Variants in PAPPA2 observed in about 807,000 individuals in gnomAD.
The protein encoded by PAPPA2 is pappalysin-2.
In PAPPA2, 86 loss-of-function variants were observed where a neutral mutation model predicts 176.4. The observed-to-expected ratio is 0.49, with a 90% confidence interval of 0.41 to 0.58. The LOEUF (loss-of-function observed/expected upper bound fraction) is 0.58, where lower values mean the gene tolerates loss of function less well. Ranked by LOEUF, PAPPA2 falls within the 20% of genes least tolerant of loss-of-function variation. PAPPA2 has a pLI of 0.00. For synonymous variants in PAPPA2, 809 were observed against 852.2 expected (o/e 0.95, Z 0.88); for missense variants, 2,073 against 2,256.9 (o/e 0.92, Z 1.65).
intron 2 of PAPPA2, among the ~76,000 whole-genome samples, chr1:176,574,325 A>G (rs1233860778): frequency 1.3e-5 from 2 of 152,186 alleles, no homozygotes; most frequent in Non-Finnish European, 2.9e-5. Flanking sequence ...ATAAATTAAT[A>G]CTATTATTAT....
At chr1:176,639,998 T>C (rs551517253) in intron 3 of PAPPA2, among the ~76,000 whole-genome samples, 1 of 151,658 alleles carries the variant, frequency 6.6e-6, no homozygotes, top group Non-Finnish European at 1.5e-5. Flanking sequence ...CTTAGAGATA[T>C]TATAAAAATG....
At chr1:176,723,209 C>T (rs1365868344) in intron 12 of PAPPA2, among the ~76,000 whole-genome samples, 1 of 152,174 alleles carries the variant, frequency 6.6e-6, no homozygotes, top group Non-Finnish European at 1.5e-5. Context: ...CAGCAGAGTC[C>T]TCATGACCCA....
chr1:176,701,840 G>T (rs1660663378), intron 8 of PAPPA2, among the ~76,000 whole-genome samples: 1 of 152,138 alleles, frequency 6.6e-6, no homozygotes, highest in Non-Finnish European at 1.5e-5. Flanking sequence ...GGCAGATTTT[G>T]TCTTTGGGAC....
At chr1:176,715,559 C>T (rs775673132) in intron 12 of PAPPA2, among the ~76,000 whole-genome samples, 17 of 152,180 alleles carry the variant, frequency 1.1e-4, no homozygotes, top group Non-Finnish European at 7.3e-5. Flanking sequence ...TAACCATTCC[C>T]GACTTCCTGG....
rs1242016345 is a variant in PAPPA2 at position 176,594,509 on chromosome 1, T to G, written c.920-15T>G. 6.2e-7 allele frequency: 1 copy of G among 1,601,922 alleles called. No individual in the cohort carries two copies. On this transcript the variant is annotated splice_polypyrimidine_tract_variant and intron_variant, in intron 2 of 22. Coordinates refer to ENST00000367662, the MANE Select transcript of PAPPA2 (RefSeq NM_020318.3). ...TGGTATCTGTCTCTTCCCTCGATTC[T>G]TCCTTCTTTCCCAGGTGTGTTTGAT...
intron 1 of PAPPA2, among the ~76,000 whole-genome samples, chr1:176,469,914 C>T (rs1197398939): frequency 6.6e-6 from 1 of 152,168 alleles, no homozygotes; most frequent in Non-Finnish European, 1.5e-5. Context: ...GAAATGTGTA[C>T]TGCTGGCCAT....
At position 176,720,079 on chromosome 1, in the gene PAPPA2, C is replaced by T. The variant is rs141645857; in HGVS notation, c.3798+8098C>T. ...ATATTGTGCAAACTGAAATATGAAT[C>T]GTGTTCTTGGGAGACTGGTTTTAGT... On this transcript the variant is annotated intron_variant, in intron 12 of 22. Coordinates refer to ENST00000367662, the MANE Select transcript of PAPPA2 (RefSeq NM_020318.3). 9.4e-3 allele frequency among the ~76,000 whole-genome samples: 1,429 copies of T among 152,236 alleles called. 10 individuals carry two copies. Among genetic ancestry groups the T allele is most frequent in the Middle Eastern group, 0.027 (8 of 294 alleles).
chr1:176,601,404 A>G (rs1017513593), intron 3 of PAPPA2, among the ~76,000 whole-genome samples: 1 of 152,180 alleles, frequency 6.6e-6, no homozygotes, highest in Non-Finnish European at 1.5e-5. Context: ...AATCTAGCCC[A>G]AAGTAGTTCC....
intron 12 of PAPPA2, among the ~76,000 whole-genome samples, chr1:176,733,930 A>G (rs1662277682): frequency 6.6e-6 from 1 of 151,818 alleles, no homozygotes; most frequent in Non-Finnish European, 1.5e-5. Context: ...CACTCTGTAT[A>G]CCACTCACCC....
At chr1:176,465,056 C>T (rs1651552165) in intron 1 of PAPPA2, among the ~76,000 whole-genome samples, 1 of 152,058 alleles carries the variant, frequency 6.6e-6, no homozygotes, top group Non-Finnish European at 1.5e-5. Context: ...TTGCTATTTC[C>T]CAAGACATAA....
intron 4 of PAPPA2, among the ~76,000 whole-genome samples, chr1:176,671,479 TG>T (rs917717674): frequency 3.3e-5 from 5 of 152,170 alleles, no homozygotes; most frequent in African/African-American, 1.2e-4. Flanking sequence ...ACATGATCAC[TG>T]TTCTAGAAGA....
At chr1:176,794,140 G>A (rs1222325340) in intron 20 of PAPPA2, among the ~76,000 whole-genome samples, 2 of 152,150 alleles carry the variant, frequency 1.3e-5, no homozygotes, top group Non-Finnish European at 2.9e-5. Context: ...ATTCCTGCCT[G>A]ACTTATAGAA....
intron 17 of PAPPA2, among the ~76,000 whole-genome samples, chr1:176,782,849 G>T (rs1180390970): frequency 6.6e-6 from 1 of 152,212 alleles, no homozygotes; most frequent in African/African-American, 2.4e-5. Flanking sequence ...TGAAGGAGAA[G>T]TGGGGTGTCC....
At chr1:176,487,848 G>A (rs1652715147) in intron 1 of PAPPA2, among the ~76,000 whole-genome samples, 1 of 152,028 alleles carries the variant, frequency 6.6e-6, no homozygotes, top group Admixed American at 6.6e-5. Context: ...AAGATAATTG[G>A]GCCAAGGGCT....
chr1:176,626,780 G>A (rs1361100927), intron 3 of PAPPA2, among the ~76,000 whole-genome samples: 1 of 152,120 alleles, frequency 6.6e-6, no homozygotes, highest in Non-Finnish European at 1.5e-5. Context: ...ACAGCACAAG[G>A]TGATGAGAAA....
chr1:176,784,855 G>T (rs1469024487), intron 17 of PAPPA2, among the ~76,000 whole-genome samples: 1 of 152,046 alleles, frequency 6.6e-6, no homozygotes, highest in Non-Finnish European at 1.5e-5. Flanking sequence ...CAAAGTGCTG[G>T]GATTACAGGC....
At position 176,689,382 on chromosome 1, in the gene PAPPA2, G is replaced by A. The variant is rs569807834; in HGVS notation, c.2138-755G>A. Among the ~76,000 whole-genome samples the A allele has an allele frequency of 1.6e-4, 24 of 152,284 alleles. No individual in the cohort carries two copies. The East Asian group carries it at 4.4e-3, about 28-fold the overall frequency. On this transcript the variant is annotated intron_variant, in intron 4 of 22. Coordinates refer to ENST00000367662, the MANE Select transcript of PAPPA2 (RefSeq NM_020318.3). ...GAAACACCTCCCTTTGTGTTCTCATGGAGATTTAGGGGCAGTGAGGGTGGG... is the reference window on the plus strand; with the variant it reads ...GAAACACCTCCCTTTGTGTTCTCATAGAGATTTAGGGGCAGTGAGGGTGGG...
intron 21 of PAPPA2, among the ~76,000 whole-genome samples, chr1:176,822,864 C>T (rs1036810745): frequency 3.3e-5 from 5 of 152,190 alleles, no homozygotes; most frequent in South Asian, 2.1e-4. Flanking sequence ...TTTATATTCC[C>T]GGTCAATTCT....
intron 2 of PAPPA2, among the ~76,000 whole-genome samples, chr1:176,587,479 A>G (rs1253431615): frequency 1.3e-5 from 2 of 152,164 alleles, no homozygotes; most frequent in Admixed American, 1.3e-4. Flanking sequence ...AGTTGTAAGG[A>G]AGGGGTTCAG....
Sources: allele counts gnomAD v4.1 joint callset (sites outside exome capture counted in the v4.1 genomes callset), GRCh38; gene constraint gnomAD v4.1.1; transcripts MANE v1.5; gene names NCBI Gene and HGNC (gene_info 2026-07-23, HGNC 2026-07-21).